Variants in DNAI3 observed in about 807,000 individuals in gnomAD.
The protein encoded by DNAI3 is WD repeat domain 63.
A neutral mutation model predicts 115.5 loss-of-function variants in DNAI3; 83 were observed. The ratio of observed to expected loss-of-function variants is 0.72; its 90% CI spans 0.60 to 0.86. DNAI3 has a LOEUF of 0.86. Among genes scored for constraint, DNAI3 ranks in the 40% least tolerant of loss-of-function variants. The pLI is 0.00. For synonymous variants in DNAI3, 320 were observed against 347.0 expected, an observed-to-expected ratio of 0.92 and a Z score of 0.86; for missense variants, 1,004 against 1,075.8, an observed-to-expected ratio of 0.93 and a Z score of 0.93.
intron 19 of DNAI3, among the ~76,000 whole-genome samples, chr1:85,126,182 T>C (rs1019285637): frequency 3.9e-5 from 6 of 152,226 alleles, no homozygotes; most frequent in East Asian, 1.9e-4. Context: ...AATCTTTACT[T>C]GTCTAATGTC....
chr1:85,065,613 G>A (rs1005853066), intron 1 of DNAI3, among the ~76,000 whole-genome samples: 2 of 152,082 alleles, frequency 1.3e-5, no homozygotes, highest in African/African-American at 4.8e-5. Flanking sequence ...GCAAGTTTGT[G>A]ATTCTGTATA....
intron 16 of DNAI3, among the ~76,000 whole-genome samples, chr1:85,113,737 G>A (rs1655724921): frequency 6.6e-6 from 1 of 151,934 alleles, no homozygotes; most frequent in Non-Finnish European, 1.5e-5. Flanking sequence ...AGCTAGCTGT[G>A]ATTTTGACTG....
intron 22 of DNAI3, among the ~76,000 whole-genome samples, chr1:85,131,737 C>T (rs1434645810): frequency 6.6e-6 from 1 of 152,126 alleles, no homozygotes; most frequent in African/African-American, 2.4e-5. Context: ...CCTTCCCCTT[C>T]CCCAGCAATT....
At chr1:85,113,755 A>G (rs945779756) in intron 16 of DNAI3, among the ~76,000 whole-genome samples, 7 of 152,072 alleles carry the variant, frequency 4.6e-5, no homozygotes, top group African/African-American at 1.4e-4. Flanking sequence ...CTGAGATTGT[A>G]TTGAATCTGT....
chr1:85,068,966 T>C (rs76261464), intron 1 of DNAI3, among the ~76,000 whole-genome samples: 6,183 of 152,318 alleles, frequency 0.041, 213 homozygotes, highest in East Asian at 0.19. Context: ...GGCCTGCTTC[T>C]TCAGCCTGGA....
At chr1:85,077,047 A>C (rs1237669969) in intron 3 of DNAI3, among the ~76,000 whole-genome samples, 1 of 152,216 alleles carries the variant, frequency 6.6e-6, no homozygotes, top group Non-Finnish European at 1.5e-5. Flanking sequence ...ATTTCCTTAC[A>C]TAGGGCTGTC....
At chr1:85,128,856 G>A (rs915870896) in intron 21 of DNAI3, 57 bp downstream of exon 21, 21 of 1,487,078 alleles carry the variant, frequency 1.4e-5, no homozygotes, top group Non-Finnish European at 1.9e-5. Context: ...GCTGAGATAT[G>A]TCTTTAAAAA....
At chr1:85,117,641 G>A (rs1356321253) in intron 16 of DNAI3, 88 bp from the exon 17 acceptor site, 12 of 1,555,960 alleles carry the variant, frequency 7.7e-6, no homozygotes, top group Non-Finnish European at 1.1e-5. Flanking sequence ...AAATGCAGGT[G>A]GCAAGGGGCA....
In DNAI3 at chr1:85,090,862, A is replaced by T. The variant is rs940790985; in HGVS notation, c.857+630A>T. 3.9e-5 allele frequency among the ~76,000 whole-genome samples: 6 copies of T among 152,320 alleles called. No individual in the cohort carries two copies. The East Asian group carries it at 9.6e-4, about 24-fold the overall frequency. Reference sequence around the variant, plus strand: ...GAGTTTAGAGAAGTGGATCCACTGGAGGACAAGTCTGCCAGTTATACTCAA... The same window carrying T: ...GAGTTTAGAGAAGTGGATCCACTGGTGGACAAGTCTGCCAGTTATACTCAA... On this transcript the variant is annotated intron_variant, in intron 8 of 22. Transcript: ENST00000294664.
Position 85,084,667 on chromosome 1 carries a change from A to C in DNAI3, c.512A>C (p.Glu171Ala). ...TTGGGCAGTGAAAAAGAAATTGAGG[A>C]AGAATCAGTTACGGAATCTACAAAG... ...VSLGSEKEIEEESVTESTKQI... is the reference protein window; with the variant it reads ...VSLGSEKEIEAESVTESTKQI... The change falls in exon 6 of 23, where the codon GAA (glutamate) becomes GCA (alanine). Residue 171 changes from glutamate to alanine, a missense_variant. Glu to Ala is a moderately radical substitution (Grantham distance 107). Transcript: ENST00000294664. 1 of 1,543,446 alleles carries C rather than the reference A, an allele frequency of 6.5e-7. No homozygotes were observed. Among genetic ancestry groups the C allele is most frequent in the Non-Finnish European group, 8.7e-7 (1 of 1,144,066 alleles).
chr1:85,124,282 G>A lies in DNAI3; in HGVS notation c.2112+31G>A, dbSNP rs762976986. 8.7e-6 allele frequency: 14 copies of A among 1,614,046 alleles called. No individual in the cohort carries two copies. The South Asian group carries it at 1.2e-4, about 14-fold the overall frequency. On this transcript the variant is annotated intron_variant, in intron 19 of 22. Transcript: ENST00000294664. ...TTGCCTGCAAAATGGAAGCATGAGT[G>A]TGTGATCTTTTGTTATTCAGAAAGA...
chr1:85,132,454 G>A (rs945488329), intron 22 of DNAI3, among the ~76,000 whole-genome samples: 1 of 152,188 alleles, frequency 6.6e-6, no homozygotes, highest in Non-Finnish European at 1.5e-5. Context: ...AATTTCAGCT[G>A]GAGACTCAGC....
chr1:85,105,199 G>T (rs709774), intron 14 of DNAI3, among the ~76,000 whole-genome samples: 149,828 of 152,180 alleles, frequency 0.98, 73,799 homozygotes, highest in East Asian at 1. Context: ...ACAGAAAAAG[G>T]TGTGGAGTGG....
chr1:85,063,846 A>AT (rs1229353066), intron 1 of DNAI3, among the ~76,000 whole-genome samples: 5 of 152,062 alleles, frequency 3.3e-5, no homozygotes, highest in Admixed American at 2.6e-4. Context: ...GAATCTGTGG[A>AT]TTTTTTTAAT....
chr1:85,084,495 T>C, intron 5 of DNAI3, 51 bp from the exon 6 acceptor site: 1 of 1,223,630 alleles, frequency 8.2e-7, no homozygotes, highest in Admixed American at 3.1e-5. Flanking sequence ...TATATAAAGC[T>C]ATAACCTAAA....
At chr1:85,101,081 C>T (rs918849130) in intron 13 of DNAI3, among the ~76,000 whole-genome samples, 5 of 151,352 alleles carry the variant, frequency 3.3e-5, no homozygotes, top group Admixed American at 2.6e-4. Context: ...ATGTAACAAA[C>T]CTGCACATTG....
At chr1:85,114,214 T>C (rs530682901) in intron 16 of DNAI3, among the ~76,000 whole-genome samples, 11 of 152,248 alleles carry the variant, frequency 7.2e-5, no homozygotes, top group African/African-American at 2.2e-4. Flanking sequence ...GGTTTCACCA[T>C]GTTGGCCAGG....
chr1:85,114,901 A>G (rs1300366871), intron 16 of DNAI3, among the ~76,000 whole-genome samples: 1 of 152,200 alleles, frequency 6.6e-6, no homozygotes, highest in African/African-American at 2.4e-5. Flanking sequence ...TTTTAGGTCC[A>G]TGACAACCCA....
intron 1 of DNAI3, among the ~76,000 whole-genome samples, chr1:85,065,170 C>T (rs564609439): frequency 6.6e-6 from 1 of 151,886 alleles, no homozygotes; most frequent in Admixed American, 6.6e-5. Flanking sequence ...ATAAGACTTT[C>T]GTAAGGAAGA....
Sources: gnomAD v4.1 joint callset for allele counts (sites outside exome capture counted in the v4.1 genomes callset) on GRCh38, gnomAD v4.1.1 for gene constraint, MANE v1.5 for transcripts, NCBI Gene and HGNC (gene_info 2026-07-23, HGNC 2026-07-21) for gene names.